Variants in CADM2 observed in about 807,000 individuals in gnomAD.
CADM2 encodes immunoglobulin superfamily member 4D.
Under a neutral mutation model 49.8 loss-of-function variants are expected in CADM2, and 12 were observed. The observed-to-expected ratio is 0.24, with a 90% CI of 0.15 to 0.39. The LOEUF (loss-of-function observed/expected upper bound fraction) is 0.39. CADM2 is among the 10% of genes least tolerant of loss of function. The pLI is 1.00. For synonymous variants in CADM2, 214 were observed against 175.4 expected, an observed-to-expected ratio of 1.22 and a Z score of -1.74; for missense variants, 378 against 492.3, an observed-to-expected ratio of 0.77 and a Z score of 2.20.
intron 1 of CADM2, among the ~76,000 whole-genome samples, chr3:85,659,198 T>C (rs1341551805): frequency 1.3e-5 from 2 of 151,828 alleles, no homozygotes; most frequent in Admixed American, 1.3e-4. Flanking sequence ...GGGAATATAA[T>C]TGACAGCCTC....
chr3:85,190,705 C>A (rs557130027), intron 1 of CADM2, among the ~76,000 whole-genome samples: 1 of 152,160 alleles, frequency 6.6e-6, no homozygotes, highest in Non-Finnish European at 1.5e-5. Flanking sequence ...TACATCAATC[C>A]GAATCTCTGA....
At chr3:85,962,878 C>T (rs1725012375) in intron 8 of CADM2, among the ~76,000 whole-genome samples, 1 of 151,866 alleles carries the variant, frequency 6.6e-6, no homozygotes, top group Admixed American at 6.6e-5. Flanking sequence ...ATCTTAGAAA[C>T]TATGGACAAA....
At chr3:85,295,279 A>T (rs1404542013) in intron 1 of CADM2, among the ~76,000 whole-genome samples, 1 of 151,622 alleles carries the variant, frequency 6.6e-6, no homozygotes, top group African/African-American at 2.4e-5. Flanking sequence ...ATCATTAAAA[A>T]GTCAGGAAAC....
chr3:85,205,234 G>T (rs1473297741), intron 1 of CADM2, among the ~76,000 whole-genome samples: 3 of 151,930 alleles, frequency 2.0e-5, no homozygotes, highest in Admixed American at 2.0e-4. Flanking sequence ...TATTTCTCAG[G>T]CTGATCTCAA....
intron 1 of CADM2, among the ~76,000 whole-genome samples, chr3:85,711,777 T>A (rs1276948081): frequency 6.6e-6 from 1 of 152,182 alleles, no homozygotes; most frequent in Non-Finnish European, 1.5e-5. Flanking sequence ...AATAATGGCC[T>A]ACTGTAATTT....
intron 5 of CADM2, among the ~76,000 whole-genome samples, chr3:85,889,236 C>T (rs948352126): frequency 1.3e-5 from 2 of 152,068 alleles, no homozygotes; most frequent in Admixed American, 6.6e-5. Flanking sequence ...AATTTTATAT[C>T]CATGTTTCTG....
chr3:85,149,721 C>T lies in CADM2; in HGVS notation c.61+190053C>T, dbSNP rs944072102. Among the ~76,000 whole-genome samples, 6 of 152,082 alleles carry T rather than the reference C, an allele frequency of 3.9e-5. 1 individual carries two copies. The highest frequency in any genetic ancestry group is 2.1e-4 in the South Asian group (1 of 4,832). On this transcript the variant is annotated intron_variant, in intron 1 of 9. Transcript: ENST00000383699. The stretch of plus-strand genomic sequence containing the variant: ...CAGCCTGGGCAACAGAGCGAGACTC[C>T]GTCTCAAAGAAAAAAATATTAATAA...
At chr3:85,661,480 T>C (rs948301617) in intron 1 of CADM2, among the ~76,000 whole-genome samples, 1 of 152,074 alleles carries the variant, frequency 6.6e-6, no homozygotes, top group African/African-American at 2.4e-5. Flanking sequence ...AAATTTGCCT[T>C]AGGCACCTCC....
intron 1 of CADM2, among the ~76,000 whole-genome samples, chr3:85,666,075 C>A (rs112051785): frequency 3.9e-5 from 6 of 152,016 alleles, no homozygotes; most frequent in Non-Finnish European, 7.4e-5. Flanking sequence ...GCAAAAATCA[C>A]GAGCATTCCT....
intron 6 of CADM2, among the ~76,000 whole-genome samples, chr3:85,932,460 G>T (rs1169055452): frequency 6.6e-6 from 1 of 152,164 alleles, no homozygotes; most frequent in African/African-American, 2.4e-5. Flanking sequence ...CTAAAGATAA[G>T]AGTGAGGCTT....
chr3:85,295,725 A>C (rs2043943225), intron 1 of CADM2, among the ~76,000 whole-genome samples: 1 of 152,076 alleles, frequency 6.6e-6, no homozygotes. Context: ...GGAATTGAAC[A>C]ATTAGATCAC....
Position 85,963,709 on chromosome 3 carries a change from T to C in CADM2, c.970+2062T>C, listed in dbSNP as rs146149138. On this transcript the variant is annotated intron_variant, in intron 8 of 9. Transcript: ENST00000383699. ...TAAAGTAGCTCATCAGGAAAATTCG[T>C]ATATTTTTTCAGTGCTTGCAAGCTA... Among the ~76,000 whole-genome samples the C allele has an allele frequency of 8.9e-3, 1,358 of 152,026 alleles. 42 individuals carry two copies. The South Asian group carries it at 0.091, about 10-fold the overall frequency.
intron 8 of CADM2, among the ~76,000 whole-genome samples, chr3:85,985,953 A>T (rs866825295): frequency 6.6e-6 from 1 of 152,026 alleles, no homozygotes; most frequent in South Asian, 2.1e-4. Context: ...AAAGAGTTTC[A>T]TTTATATTCA....
intron 1 of CADM2, among the ~76,000 whole-genome samples, chr3:85,224,267 C>T (rs947629120): frequency 6.6e-6 from 1 of 152,018 alleles, no homozygotes; most frequent in Non-Finnish European, 1.5e-5. Flanking sequence ...CAACATCTGT[C>T]GTTTCCTGAC....
At chr3:85,791,152 C>T (rs562379422) in intron 2 of CADM2, among the ~76,000 whole-genome samples, 27 of 152,268 alleles carry the variant, frequency 1.8e-4, no homozygotes, top group African/African-American at 6.0e-4. Flanking sequence ...ACATTTTGCA[C>T]TTAGTTATCA....
intron 1 of CADM2, among the ~76,000 whole-genome samples, chr3:85,578,955 A>T (rs2062720163): frequency 6.6e-6 from 1 of 152,222 alleles, no homozygotes; most frequent in Non-Finnish European, 1.5e-5. Flanking sequence ...TCAAATTAGC[A>T]GCCACGGTGT....
intron 1 of CADM2, among the ~76,000 whole-genome samples, chr3:85,106,545 G>A (rs747439840): frequency 8.1e-4 from 123 of 152,080 alleles, no homozygotes; most frequent in Non-Finnish European, 6.6e-4. Context: ...TTATGTGAGA[G>A]GTACCATGGT....
chr3:85,892,516 G>A (rs906159525), intron 5 of CADM2, among the ~76,000 whole-genome samples: 2 of 152,056 alleles, frequency 1.3e-5, no homozygotes, highest in East Asian at 1.9e-4. Context: ...TCCCATAATA[G>A]TGAATAAGTC....
intron 1 of CADM2, among the ~76,000 whole-genome samples, chr3:85,181,188 T>C (rs1211782727): frequency 6.6e-6 from 1 of 152,252 alleles, no homozygotes; most frequent in African/African-American, 2.4e-5. Context: ...CAAATAAGCA[T>C]GGCATATGCA....
Sources: gnomAD v4.1 joint callset for allele counts (sites outside exome capture counted in the v4.1 genomes callset) on GRCh38, gnomAD v4.1.1 for gene constraint, MANE v1.5 for transcripts, NCBI Gene and HGNC (gene_info 2026-07-23, HGNC 2026-07-21) for gene names.